THOC1: variants seen among roughly 807,000 people sequenced by gnomAD.
The protein encoded by THOC1 is THO complex subunit 1.
Under a neutral mutation model 97.3 loss-of-function variants are expected in THOC1, and 29 were observed. The ratio of observed to expected loss-of-function variants is 0.30; its 90% confidence interval spans 0.22 to 0.41. The LOEUF (loss-of-function observed/expected upper bound fraction) is 0.41, where lower values mean the gene tolerates loss of function less well. Ranked by LOEUF, THOC1 falls within the 10% of genes least tolerant of loss-of-function variation. The pLI is 1.00. For synonymous variants in THOC1, 255 were observed against 257.0 expected (o/e 0.99, Z 0.07); for missense variants, 529 against 761.9 (o/e 0.69, Z 3.60).
Position 220,084 on chromosome 18 carries a change from C to T in THOC1, c.1371-1115G>A, listed in dbSNP as rs147965190. On this transcript the variant is annotated intron_variant, in intron 17 of 20. Coordinates refer to ENST00000261600, the MANE Select transcript of THOC1 (RefSeq NM_005131.3). ...AATATCCATTCATTTTCTAATGCTA[C>T]AGATACTATATTCCATTTTATGAAC... Among the ~76,000 whole-genome samples, 544 of 152,282 alleles carry T rather than the reference C, an allele frequency of 3.6e-3. 1 individual carries two copies. The highest frequency in any genetic ancestry group is 0.012 in the African/African-American group (506 of 41,568).
chr18:223,595 C>G, intron 16 of THOC1, 90 bp from the exon 17 acceptor site: 2 of 1,058,564 alleles, frequency 1.9e-6, no homozygotes. Context: ...ACAATGTAAA[C>G]AGTGGATTTG....
At chr18:227,918 A>T (rs1911352797) in intron 11 of THOC1, among the ~76,000 whole-genome samples, 1 of 151,304 alleles carries the variant, frequency 6.6e-6, no homozygotes, top group Non-Finnish European at 1.5e-5. Context: ...TTCACTAGCA[A>T]CCCCTTCCAC....
intron 7 of THOC1, 121 bp downstream of exon 7, chr18:259,059 A>G: frequency 1.4e-6 from 1 of 701,812 alleles, no homozygotes; most frequent in Non-Finnish European, 2.4e-6. Flanking sequence ...TAAAGTGACA[A>G]TTTCTATGAT....
intron 4 of THOC1, among the ~76,000 whole-genome samples, chr18:261,733 C>T (rs545329053): frequency 7.2e-5 from 11 of 152,212 alleles, no homozygotes; most frequent in African/African-American, 2.4e-4. Flanking sequence ...TATTTTCTGC[C>T]CTTAGTTGCA....
chr18:227,326 T>A (rs1002151938), intron 11 of THOC1, among the ~76,000 whole-genome samples: 6 of 151,834 alleles, frequency 4.0e-5, no homozygotes, highest in East Asian at 1.9e-4. Flanking sequence ...AAAAAAAAAT[T>A]TTTTTTTAAA....
At chr18:230,395 T>G (rs1243076113) in intron 11 of THOC1, among the ~76,000 whole-genome samples, 1 of 152,222 alleles carries the variant, frequency 6.6e-6, no homozygotes, top group East Asian at 1.9e-4. Context: ...CCAAAGTGGC[T>G]AGGTGATGCT....
chr18:215,629 A>G (rs1910853762), intron 19 of THOC1, 125 bp from the exon 20 acceptor site: 1 of 693,528 alleles, frequency 1.4e-6, no homozygotes, highest in African/African-American at 1.8e-5. Context: ...CACCCCTGAG[A>G]GCGTTAAATG....
intron 1 of THOC1, among the ~76,000 whole-genome samples, chr18:266,385 C>T (rs1050533095): frequency 7.9e-5 from 12 of 152,134 alleles, no homozygotes; most frequent in Admixed American, 6.5e-5. Flanking sequence ...CTACCAGCAG[C>T]AGCTACAGTG....
Position 214,657 on chromosome 18 carries a change from C to T in THOC1, c.1943G>A (p.Ser648Asn). The change falls in exon 21 of 21, where the codon AGT becomes AAT. Residue 648 changes from serine (S) to asparagine (N), a missense_variant. This residue lies in a region of THOC1 where 98 missense variants were observed against 111.9 expected (regional missense o/e 0.88). Coordinates refer to ENST00000261600, the MANE Select transcript of THOC1 (RefSeq NM_005131.3). ...NKSGLSDLAESLTNDNETNS is the reference protein window; with the variant it reads ...NKSGLSDLAENLTNDNETNS ...ATTTGTCTCATTGTCATTAGTTAGA[C>T]TTTCTGCAAGGTCACTTAATCCAGA... 6.2e-7 allele frequency: 1 copy of T among 1,613,434 alleles called. No individual in the cohort carries two copies. Among genetic ancestry groups the T allele is most frequent in the South Asian group, 1.1e-5 (1 of 90,952 alleles).
At chr18:221,447 G>A (rs1911073576) in intron 17 of THOC1, among the ~76,000 whole-genome samples, 1 of 151,884 alleles carries the variant, frequency 6.6e-6, no homozygotes, top group Non-Finnish European at 1.5e-5. Flanking sequence ...TGCAATGATT[G>A]CCTTTATTTT....
chr18:249,597 G>T (rs942981188), intron 9 of THOC1, among the ~76,000 whole-genome samples: 1 of 151,562 alleles, frequency 6.6e-6, no homozygotes, highest in African/African-American at 2.4e-5. Flanking sequence ...AGGAGGCAGA[G>T]CTTGCAGTGA....
intron 6 of THOC1, 85 bp from the exon 7 acceptor site, chr18:259,360 T>TG: frequency 8.8e-7 from 1 of 1,137,298 alleles, no homozygotes; most frequent in Non-Finnish European, 1.2e-6. Context: ...TAAACCAGTG[T>TG]GTCAAGAGTA....
chr18:229,473 A>C (rs1444314411), intron 11 of THOC1, among the ~76,000 whole-genome samples: 2 of 151,870 alleles, frequency 1.3e-5, no homozygotes, highest in Admixed American at 6.6e-5. Flanking sequence ...CAAGATCAGG[A>C]GTTCGAGACC....
intron 17 of THOC1, among the ~76,000 whole-genome samples, chr18:220,850 A>G (rs1013677925): frequency 1.3e-5 from 2 of 151,876 alleles, no homozygotes; most frequent in South Asian, 2.1e-4. Flanking sequence ...TTTGTTGTCT[A>G]TTTTACTGAT....
chr18:259,128 A>G (rs920225291), intron 7 of THOC1, 52 bp downstream of exon 7: 1 of 1,389,732 alleles, frequency 7.2e-7, no homozygotes, highest in South Asian at 1.2e-5. Flanking sequence ...AATCTATTAA[A>G]AACTGGAAAA....
At chr18:240,150 C>T (rs901035243) in intron 11 of THOC1, among the ~76,000 whole-genome samples, 5 of 152,140 alleles carry the variant, frequency 3.3e-5, no homozygotes, top group African/African-American at 1.2e-4. Flanking sequence ...TGGGTGACTT[C>T]TTATTCTATC....
chr18:230,086 G>A (rs1478588702), intron 11 of THOC1, among the ~76,000 whole-genome samples: 1 of 152,182 alleles, frequency 6.6e-6, no homozygotes, highest in East Asian at 1.9e-4. Context: ...ACTGACACCT[G>A]ATCAGATTTC....
At chr18:240,475 A>T (rs984185890) in intron 11 of THOC1, among the ~76,000 whole-genome samples, 4 of 152,258 alleles carry the variant, frequency 2.6e-5, no homozygotes, top group Non-Finnish European at 5.9e-5. Flanking sequence ...GAGTTCAAAA[A>T]TGTCAAAACA....
intron 11 of THOC1, among the ~76,000 whole-genome samples, chr18:232,060 G>C (rs1158383780): frequency 1.3e-5 from 2 of 152,178 alleles, no homozygotes; most frequent in Non-Finnish European, 2.9e-5. Flanking sequence ...CAATCTAAAT[G>C]AATGAGGGTG....
Sources: allele counts gnomAD v4.1 joint callset (sites outside exome capture counted in the v4.1 genomes callset), GRCh38; gene constraint gnomAD v4.1.1; regional missense constraint gnomAD v4.1.1; transcripts MANE v1.5; gene names NCBI Gene and HGNC (gene_info 2026-07-23, HGNC 2026-07-21).